PCDHGB3: variants seen among roughly 807,000 people sequenced by gnomAD.
The protein encoded by PCDHGB3 is protocadherin gamma-B3.
A neutral mutation model predicts 59.2 loss-of-function variants in PCDHGB3; 40 were observed. That is an observed-to-expected ratio of 0.68 (90% CI 0.52 to 0.88). The LOEUF (loss-of-function observed/expected upper bound fraction) is 0.88, where lower values mean the gene tolerates loss of function less well. PCDHGB3 is among the 40% of genes least tolerant of loss of function. The probability of loss-of-function intolerance (pLI) is 0.00; values close to 1 mark genes in which losing one functional copy is unlikely to be tolerated. For synonymous variants in PCDHGB3, 581 were observed against 503.6 expected (o/e 1.15, Z -2.06); for missense variants, 1,309 against 1,187.9 (o/e 1.10, Z -1.50).
intron 1 of PCDHGB3, chr5:141,415,176 C>T: frequency 6.2e-7 from 1 of 1,613,934 alleles, no homozygotes; most frequent in Non-Finnish European, 8.5e-7. Context: ...TCACCGTGGC[C>T]GTGGCCGACA....
chr5:141,510,984 C>G lies in PCDHGB3; in HGVS notation c.2601C>G (p.Ala867=). ...ADGSSTLGGG[A]GTMGLSARYG... ...GGAGCTCCACCCTGGGAGGGGGTGC[C>G]GGCACCATGGGATTGAGCGCCCGCT... The change falls in exon 4 of 4, where the codon GCC becomes GCG. Residue 867 remains alanine (A), a synonymous_variant. Transcript: ENST00000576222. The G allele has an allele frequency of 1.2e-6, 2 of 1,614,162 alleles. No homozygotes were observed. The highest frequency in any genetic ancestry group is 1.7e-6 in the Non-Finnish European group (2 of 1,180,012).
At chr5:141,415,083 G>T (rs747351388) in intron 1 of PCDHGB3, 1 of 1,613,514 alleles carries the variant, frequency 6.2e-7, no homozygotes. Context: ...CGCGAGCCCT[G>T]CTGGACAGAG....
rs186469397 is a variant in PCDHGB3 at position 141,376,362 on chromosome 5, C to G, written c.2415+3553C>G. ...ACCTATTCCCACGAGGTCTCACTCA[C>G]TGCAGACTCGCGTAAGAGTCATCTG... On this transcript the variant is annotated intron_variant, in intron 1 of 3. Transcript: ENST00000576222. 5.1e-3 allele frequency: 8,179 copies of G among 1,614,250 alleles called. 35 individuals carry two copies. The highest frequency in any genetic ancestry group is 6.1e-3 in the Non-Finnish European group (7,170 of 1,180,044).
chr5:141,408,332 G>A, intron 1 of PCDHGB3: 1 of 1,613,912 alleles, frequency 6.2e-7, no homozygotes, highest in South Asian at 1.1e-5. Context: ...GCTGGCCAAG[G>A]GCTCGGTGGT....
intron 1 of PCDHGB3, among the ~76,000 whole-genome samples, chr5:141,457,620 A>G (rs2098925834): frequency 6.6e-6 from 1 of 152,234 alleles, no homozygotes; most frequent in Admixed American, 6.5e-5. Flanking sequence ...ATGAACTTTA[A>G]TCTTATACTT....
chr5:141,376,538 T>C, intron 1 of PCDHGB3: 1 of 1,613,126 alleles, frequency 6.2e-7, no homozygotes, highest in African/African-American at 1.3e-5. Flanking sequence ...GCGGGAAGAG[T>C]AATCTGATCT....
chr5:141,471,635 A>G (rs1477641248), intron 1 of PCDHGB3: 1 of 152,224 alleles, frequency 6.6e-6, no homozygotes, highest in Non-Finnish European at 1.5e-5. Context: ...GGTATGGATT[A>G]GTAATATACT....
At chr5:141,440,593 T>C (rs1456640262) in intron 1 of PCDHGB3, 1 of 152,202 alleles carries the variant, frequency 6.6e-6, no homozygotes, top group African/African-American at 2.4e-5. Context: ...TGGAACAAGA[T>C]TTGCAACAGA....
chr5:141,399,682 G>C, intron 1 of PCDHGB3: 2 of 1,613,512 alleles, frequency 1.2e-6, no homozygotes, highest in Non-Finnish European at 1.7e-6. Context: ...CTTTGACTAC[G>C]AGCAGCTGCG....
In PCDHGB3 at chr5:141,489,335, G is replaced by A. The variant is rs138015049; in HGVS notation, c.2416-5472G>A. The A allele has an allele frequency of 8.2e-5, 132 of 1,607,244 alleles. No individual in the cohort carries two copies. The African/African-American group carries it at 1.5e-3, about 18-fold the overall frequency. On this transcript the variant is annotated intron_variant, in intron 1 of 3. Transcript: ENST00000576222. This position sits in a 1 kb window ranked among gnomAD's most constrained non-coding sequence, Gnocchi z 4.5. ...TGGGGCTGGGTGTCTGGGCAGCTTC[G>A]TTACTCAGTGGTGGAGGAGTCTGAG...
rs552017054 is a variant in PCDHGB3 at position 141,425,594 on chromosome 5, A to G, written c.2415+52785A>G. On this transcript the variant is annotated intron_variant, in intron 1 of 3. Transcript: ENST00000576222. ...GGGTTTGGCTAACTTTATTCTGAAT[A>G]TGCCCTATATAGCTTTCAGTGCTCC... 2.6e-5 allele frequency among the ~76,000 whole-genome samples: 4 copies of G among 152,370 alleles called. No homozygotes were observed. In the South Asian group the frequency reaches 8.3e-4, roughly 32 times the overall value.
At position 141,371,597 on chromosome 5, in the gene PCDHGB3, A is replaced by C. The variant is rs982667859; in HGVS notation, c.1203A>C (p.Thr401=). 4.3e-6 allele frequency: 7 copies of C among 1,613,908 alleles called. No individual in the cohort carries two copies. Among genetic ancestry groups the C allele is most frequent in the Non-Finnish European group, 5.9e-6 (7 of 1,179,902 alleles). The change falls in exon 1 of 4, where the codon ACA becomes ACC. Residue 401 remains threonine (T), a synonymous_variant. Coordinates refer to ENST00000576222, the MANE Select transcript of PCDHGB3 (RefSeq NM_018924.5). ...AAATCGTTCAAGATACCAAAAACAC[A>C]TACAGGTTGGTGACAGATGGAGCCC... ...PFKIVQDTKN[T]YRLVTDGALD... is the part of the protein sequence containing the mutation.
Position 141,486,601 on chromosome 5 carries a change from C to A in PCDHGB3, c.2416-8206C>A, listed in dbSNP as rs770685748. On this transcript the variant is annotated intron_variant, in intron 1 of 3. Transcript: ENST00000576222. The surrounding 1 kb of genome is among the most constrained non-coding windows in gnomAD (Gnocchi z 5.0). ...ATCGCCCAGGGGACCTGCTTTGCTCCCTTGCAGCCTCTGACCCAGACTCTG... is the reference window on the plus strand; with the variant it reads ...ATCGCCCAGGGGACCTGCTTTGCTCACTTGCAGCCTCTGACCCAGACTCTG... The A allele has an allele frequency of 1.9e-6, 3 of 1,613,558 alleles. No homozygotes were observed. The highest frequency in any genetic ancestry group is 3.3e-5 in the Admixed American group (2 of 60,026).
At chr5:141,469,833 TTA>T (rs1343669772) in intron 1 of PCDHGB3, among the ~76,000 whole-genome samples, 2 of 152,054 alleles carry the variant, frequency 1.3e-5, no homozygotes, top group Non-Finnish European at 2.9e-5. Flanking sequence ...CACATAAAAC[TTA>T]TTCTTAAGAT....
At chr5:141,417,503 TAA>T in intron 1 of PCDHGB3, 1 of 229,962 alleles carries the variant, frequency 4.3e-6, no homozygotes, top group East Asian at 9.7e-5. Flanking sequence ...GGAAAAAGAT[TAA>T]AATATTTTGG....
At chr5:141,410,340 T>G in intron 1 of PCDHGB3, 1 of 1,614,068 alleles carries the variant, frequency 6.2e-7, no homozygotes, top group Non-Finnish European at 8.5e-7. Flanking sequence ...GCCATTGCCT[T>G]GCGCCTGCGA....
At position 141,422,119 on chromosome 5, in the gene PCDHGB3, C is replaced by T. The variant is rs778866054; in HGVS notation, c.2415+49310C>T. 26 of 1,603,658 alleles carry T rather than the reference C, an allele frequency of 1.6e-5. No homozygotes were observed. In the Admixed American group the frequency reaches 4.2e-4, roughly 26 times the overall value. ...TTCTGAAATATTCCAATTGGATTCA[C>T]AAACTGGAGAAGTTCAAGTACGGGG... On this transcript the variant is annotated intron_variant, in intron 1 of 3. Transcript: ENST00000576222.
At chr5:141,375,035 G>A (rs541605714) in intron 1 of PCDHGB3, 1 of 1,614,008 alleles carries the variant, frequency 6.2e-7, no homozygotes, top group East Asian at 2.2e-5. Flanking sequence ...TTATGAGCTG[G>A]GTGTTGAAGC....
At chr5:141,483,919 G>T (rs912152955) in intron 1 of PCDHGB3, among the ~76,000 whole-genome samples, 2 of 151,008 alleles carry the variant, frequency 1.3e-5, no homozygotes, top group South Asian at 2.1e-4. Flanking sequence ...CACTCAGATT[G>T]CAGGTCGTAG....
Sources: gnomAD v4.1 joint callset for allele counts (sites outside exome capture counted in the v4.1 genomes callset) on GRCh38, gnomAD v4.1.1 for gene constraint, Gnocchi (gnomAD v3.1) non-coding constraint, MANE v1.5 for transcripts, NCBI Gene and HGNC (gene_info 2026-07-23, HGNC 2026-07-21) for gene names.